Variants in PALM2AKAP2 observed in about 807,000 individuals in gnomAD.
PALM2AKAP2 encodes PALM2 and AKAP2 fusion, also known as PALM2-AKAP2 fusion protein.
A neutral mutation model predicts 71.5 loss-of-function variants in PALM2AKAP2; 37 were observed. That is an observed-to-expected ratio of 0.52 (90% CI 0.40 to 0.68). The LOEUF (loss-of-function observed/expected upper bound fraction) is 0.68. Among genes scored for constraint, PALM2AKAP2 ranks in the 30% least tolerant of loss-of-function variants. PALM2AKAP2 has a pLI of 0.00. For missense variants in PALM2AKAP2, 1,224 were observed against 1,191.8 expected (o/e 1.03, Z -0.40); for synonymous variants, 468 against 478.8 (o/e 0.98, Z 0.29).
intron 2 of PALM2AKAP2, among the ~76,000 whole-genome samples, chr9:110,149,574 G>A (rs1836260777): frequency 6.6e-6 from 1 of 152,132 alleles, no homozygotes; most frequent in Non-Finnish European, 1.5e-5. Context: ...ATGCCCATAG[G>A]TTCATGGAAG....
chr9:109,708,740 G>T (rs546724169), intron 1 of PALM2AKAP2, among the ~76,000 whole-genome samples: 4 of 152,304 alleles, frequency 2.6e-5, no homozygotes, highest in African/African-American at 9.6e-5. Flanking sequence ...ACTTCTATGG[G>T]TGGCACAAAA....
intron 1 of PALM2AKAP2, among the ~76,000 whole-genome samples, chr9:110,062,609 T>C (rs1365758455): frequency 1.3e-5 from 2 of 152,224 alleles, no homozygotes; most frequent in African/African-American, 2.4e-5. Flanking sequence ...GGTTTTAGAA[T>C]GTGCTAGGTT....
chr9:109,787,530 A>G (rs1049172353), intron 1 of PALM2AKAP2, among the ~76,000 whole-genome samples: 1 of 152,258 alleles, frequency 6.6e-6, no homozygotes, highest in South Asian at 2.1e-4. Context: ...TGTAGTAAGC[A>G]GGAGTAGTAA....
chr9:109,849,610 G>T (rs983048171), intron 1 of PALM2AKAP2, among the ~76,000 whole-genome samples: 1 of 152,068 alleles, frequency 6.6e-6, no homozygotes, highest in African/African-American at 2.4e-5. Context: ...ACAAAAATTA[G>T]CCAGGCATGG....
At chr9:109,710,731 G>A (rs1828221757) in intron 1 of PALM2AKAP2, among the ~76,000 whole-genome samples, 1 of 152,114 alleles carries the variant, frequency 6.6e-6, no homozygotes. Context: ...TGGGTAACTG[G>A]TATTAGTGTT....
intron 6 of PALM2AKAP2, among the ~76,000 whole-genome samples, chr9:109,941,813 C>A (rs1012799028): frequency 6.6e-6 from 1 of 151,960 alleles, no homozygotes; most frequent in African/African-American, 2.4e-5. Context: ...GAGACAGGGG[C>A]AAGGGGAGGG....
intron 1 of PALM2AKAP2, among the ~76,000 whole-genome samples, chr9:109,698,685 G>A (rs538377229): frequency 5.2e-4 from 79 of 152,260 alleles, no homozygotes; most frequent in African/African-American, 1.8e-3. Context: ...ATTCAGAGAC[G>A]GCACAGGAAA....
intron 3 of PALM2AKAP2, among the ~76,000 whole-genome samples, chr9:109,909,817 G>A (rs1178011374): frequency 6.6e-6 from 1 of 152,028 alleles, no homozygotes; most frequent in Non-Finnish European, 1.5e-5. Context: ...CAGGCAGAGG[G>A]GTGGTATGAG....
At chr9:109,791,889 G>T (rs1433673086) in intron 1 of PALM2AKAP2, among the ~76,000 whole-genome samples, 1 of 152,086 alleles carries the variant, frequency 6.6e-6, no homozygotes, top group Non-Finnish European at 1.5e-5. Flanking sequence ...ATACTGTATG[G>T]GCCAAACCAA....
chr9:109,928,827 A>G (rs370886457), intron 5 of PALM2AKAP2, among the ~76,000 whole-genome samples: 21 of 151,910 alleles, frequency 1.4e-4, no homozygotes, highest in East Asian at 9.6e-4. Flanking sequence ...ACACACCACC[A>G]GTCCAAATTT....
At chr9:109,887,730 A>C (rs527499570) in intron 3 of PALM2AKAP2, among the ~76,000 whole-genome samples, 1 of 152,330 alleles carries the variant, frequency 6.6e-6, no homozygotes, top group Admixed American at 6.5e-5. Flanking sequence ...AAGATGAATG[A>C]AAAATAATTT....
chr9:109,720,866 G>C (rs1159148418), intron 1 of PALM2AKAP2, among the ~76,000 whole-genome samples: 1 of 152,150 alleles, frequency 6.6e-6, no homozygotes, highest in East Asian at 1.9e-4. Flanking sequence ...TGTGTTCCTG[G>C]CATTATTCTA....
intron 6 of PALM2AKAP2, among the ~76,000 whole-genome samples, chr9:109,965,846 GT>G (rs1480757058): frequency 6.6e-6 from 1 of 152,128 alleles, no homozygotes; most frequent in Non-Finnish European, 1.5e-5. Context: ...GTGTTACTGA[GT>G]TCAGAAGTGG....
chr9:109,994,740 G>A (rs1204738943), intron 6 of PALM2AKAP2, among the ~76,000 whole-genome samples: 2 of 152,136 alleles, frequency 1.3e-5, no homozygotes, highest in Admixed American at 6.5e-5. Context: ...CCACAGGCTT[G>A]GTGAGTTGTC....
chr9:110,130,849 C>T (rs1212188018), intron 1 of PALM2AKAP2, among the ~76,000 whole-genome samples: 2 of 152,218 alleles, frequency 1.3e-5, no homozygotes, highest in Non-Finnish European at 2.9e-5. Flanking sequence ...AGGAAGATCT[C>T]TAATCCACAA....
chr9:109,805,406 A>T (rs972394288), intron 1 of PALM2AKAP2, among the ~76,000 whole-genome samples: 4 of 151,984 alleles, frequency 2.6e-5, no homozygotes, highest in African/African-American at 9.7e-5. Flanking sequence ...CCTGAATTAG[A>T]ATTACTGTGT....
At chr9:110,066,051 G>C (rs966579961) in intron 1 of PALM2AKAP2, among the ~76,000 whole-genome samples, 2 of 152,192 alleles carry the variant, frequency 1.3e-5, no homozygotes, top group African/African-American at 4.8e-5. Context: ...GAGTTCCCCA[G>C]TTCCCTACTT....
intron 1 of PALM2AKAP2, among the ~76,000 whole-genome samples, chr9:109,732,906 TGGGCATG>T (rs1173051514): frequency 2.6e-5 from 4 of 152,164 alleles, no homozygotes; most frequent in Middle Eastern, 3.4e-3. Context: ...GACCCTGCAG[TGGGCATG>T]GGGTGGGTAT....
chr9:109,999,372 A>T (rs1297838091), intron 6 of PALM2AKAP2, among the ~76,000 whole-genome samples: 1 of 151,900 alleles, frequency 6.6e-6, no homozygotes, highest in Non-Finnish European at 1.5e-5. Context: ...ATAAATAAAT[A>T]AAATAAAAAC....
Sources: gnomAD v4.1 joint callset for allele counts (sites outside exome capture counted in the v4.1 genomes callset) on GRCh38, gnomAD v4.1.1 for gene constraint, MANE v1.5 for transcripts, NCBI Gene and HGNC (gene_info 2026-07-23, HGNC 2026-07-21) for gene names.